The following LRGUK variants were observed in gnomAD, a reference collection of about 807,000 sequenced individuals.
The protein encoded by LRGUK is leucine-rich repeat and guanylate kinase domain-containing protein.
In LRGUK, 65 loss-of-function variants were observed where a neutral mutation model predicts 76.0. The ratio of observed to expected loss-of-function variants is 0.85; its 90% CI spans 0.70 to 1.05. The LOEUF (loss-of-function observed/expected upper bound fraction) is 1.05, where lower values mean the gene tolerates loss of function less well. LRGUK is among the 50% of genes least tolerant of loss of function. The pLI is 0.00. For missense variants in LRGUK, 758 were observed against 732.8 expected, an observed-to-expected ratio of 1.03 and a Z score of -0.40; for synonymous variants, 268 against 265.6, an observed-to-expected ratio of 1.01 and a Z score of -0.09.
At chr7:134,138,886 G>A (rs865781406) in intron 2 of LRGUK, among the ~76,000 whole-genome samples, 3 of 152,134 alleles carry the variant, frequency 2.0e-5, no homozygotes, top group South Asian at 2.1e-4. Flanking sequence ...CTACCTCTCT[G>A]TACCTCACAT....
At chr7:134,265,088 G>T (rs1802832764), downstream of LRGUK, among the ~76,000 whole-genome samples, 1 of 152,244 alleles carries the variant, frequency 6.6e-6, no homozygotes, top group South Asian at 2.1e-4. Flanking sequence ...TGAAGGAGAT[G>T]ACCACGTTGG....
chr7:134,149,124 C>A (rs994558057), intron 5 of LRGUK, among the ~76,000 whole-genome samples: 157 of 101,604 alleles, frequency 1.5e-3, no homozygotes, highest in Non-Finnish European at 2.5e-3. Flanking sequence ...AAAAAAAAAA[C>A]AACTTTTGAT....
At chr7:134,165,843 C>A (rs1798955672) in intron 7 of LRGUK, among the ~76,000 whole-genome samples, 1 of 152,120 alleles carries the variant, frequency 6.6e-6, no homozygotes, top group African/African-American at 2.4e-5. Context: ...TTTCAAGAGG[C>A]TTTTCAAATT....
intron 16 of LRGUK, among the ~76,000 whole-genome samples, chr7:134,240,264 G>T (rs754245924): frequency 6.6e-6 from 1 of 152,178 alleles, no homozygotes; most frequent in Non-Finnish European, 1.5e-5. Flanking sequence ...CAAGCTAAAG[G>T]AGGATGCTGG....
At chr7:134,178,064 T>C (rs529732241) in intron 9 of LRGUK, among the ~76,000 whole-genome samples, 1 of 152,270 alleles carries the variant, frequency 6.6e-6, no homozygotes, top group African/African-American at 2.4e-5. Flanking sequence ...CTTGGTGAAA[T>C]GGTATGAGGA....
chr7:134,161,053 G>C (rs1268333756), intron 6 of LRGUK, among the ~76,000 whole-genome samples: 1 of 152,060 alleles, frequency 6.6e-6, no homozygotes, highest in East Asian at 1.9e-4. Context: ...CTATTCTCAT[G>C]TCATCTACCA....
chr7:134,146,823 G>A (rs1335642272), intron 4 of LRGUK, among the ~76,000 whole-genome samples: 3 of 152,042 alleles, frequency 2.0e-5, no homozygotes, highest in Admixed American at 6.6e-5. Context: ...ATTTTAAAGG[G>A]CATGGAAAAA....
At chr7:134,165,256 A>G (rs1798922969) in intron 7 of LRGUK, among the ~76,000 whole-genome samples, 1 of 152,156 alleles carries the variant, frequency 6.6e-6, no homozygotes, top group Non-Finnish European at 1.5e-5. Flanking sequence ...TTATAACCCT[A>G]TTATTATTGT....
intron 19 of LRGUK, among the ~76,000 whole-genome samples, chr7:134,259,355 A>C (rs1802663711): frequency 6.6e-6 from 1 of 152,122 alleles, no homozygotes; most frequent in Non-Finnish European, 1.5e-5. Context: ...TGTCAATAGG[A>C]AAGGTGGGGC....
At chr7:134,218,357 G>C (rs1473391783) in intron 15 of LRGUK, among the ~76,000 whole-genome samples, 1 of 152,164 alleles carries the variant, frequency 6.6e-6, no homozygotes, top group Non-Finnish European at 1.5e-5. Flanking sequence ...CTTTCAAAGA[G>C]AGATCAACTC....
intron 16 of LRGUK, among the ~76,000 whole-genome samples, chr7:134,236,866 A>G (rs1802028754): frequency 6.6e-6 from 1 of 152,152 alleles, no homozygotes; most frequent in African/African-American, 2.4e-5. Flanking sequence ...TCTTACACCT[A>G]CTGTTATTAT....
At chr7:134,191,664 T>C (rs1183421285) in exon 12 of LRGUK, 2 of 1,610,678 alleles carry the variant, frequency 1.2e-6, no homozygotes, top group Admixed American at 1.7e-5. Context: ...GGGCCTGTCA[T>C]ACCACAAGAC....
intron 16 of LRGUK, among the ~76,000 whole-genome samples, chr7:134,236,666 T>A (rs1802024434): frequency 6.6e-6 from 1 of 152,228 alleles, no homozygotes; most frequent in Admixed American, 6.5e-5. Context: ...CTTTTTGTGA[T>A]GTTCTTCTAG....
chr7:134,156,746 T>A (rs557713226), intron 5 of LRGUK, among the ~76,000 whole-genome samples: 114 of 152,308 alleles, frequency 7.5e-4, no homozygotes, highest in African/African-American at 2.6e-3. Context: ...TTAAAAAAAA[T>A]TAATCTGCCT....
chr7:134,230,643 A>G (rs1217557434), intron 16 of LRGUK, among the ~76,000 whole-genome samples: 1 of 152,238 alleles, frequency 6.6e-6, no homozygotes, highest in Non-Finnish European at 1.5e-5. Context: ...ATAATAAAAT[A>G]CGTACAGTAA....
intron 4 of LRGUK, among the ~76,000 whole-genome samples, chr7:134,144,829 G>A (rs896777390): frequency 2.3e-4 from 35 of 152,064 alleles, no homozygotes; most frequent in African/African-American, 7.7e-4. Flanking sequence ...CAAATAAGCC[G>A]CACTAGGTGC....
Position 134,160,701 on chromosome 7 carries a change from T to G in LRGUK, c.795+2542T>G, listed in dbSNP as rs1440839492. 3.9e-5 allele frequency among the ~76,000 whole-genome samples: 6 copies of G among 152,366 alleles called. No homozygotes were observed. The East Asian group carries it at 9.6e-4, about 24-fold the overall frequency. ...CTTCTTAGCAAGTAATGACAATGCA[T>G]TCCAAACTTTAAAATTCATTTCGTC... is the stretch of plus-strand genomic sequence containing the variant. On this transcript the variant is annotated intron_variant, in intron 6 of 15. Coordinates refer to ENST00000645682, the Ensembl canonical transcript of LRGUK.
At chr7:134,151,229 T>G (rs983433684) in intron 5 of LRGUK, among the ~76,000 whole-genome samples, 4 of 152,086 alleles carry the variant, frequency 2.6e-5, no homozygotes, top group African/African-American at 9.7e-5. Context: ...GGTTAGAGTG[T>G]TTTTGAAAAT....
At chr7:134,138,266 T>C (rs1397200070) in intron 2 of LRGUK, among the ~76,000 whole-genome samples, 1 of 152,220 alleles carries the variant, frequency 6.6e-6, no homozygotes, top group African/African-American at 2.4e-5. Context: ...CTTTAAATCT[T>C]ATTTCAGCTG....
Sources: gnomAD v4.1 joint callset for allele counts (sites outside exome capture counted in the v4.1 genomes callset) on GRCh38, gnomAD v4.1.1 for gene constraint, MANE v1.5 for transcripts, NCBI Gene and HGNC (gene_info 2026-07-23, HGNC 2026-07-21) for gene names.